The following SRPK2 variants were observed in gnomAD, a reference collection of about 807,000 sequenced individuals.
SRPK2 encodes the protein SFRS protein kinase 2.
A neutral mutation model predicts 90.8 loss-of-function variants in SRPK2; 21 were observed. The observed-to-expected ratio is 0.23, with a 90% CI of 0.16 to 0.33. The LOEUF is 0.33. Ranked by LOEUF, SRPK2 falls within the 10% of genes least tolerant of loss-of-function variation. SRPK2 has a pLI of 1.00. For missense variants in SRPK2, 620 were observed against 869.0 expected, an observed-to-expected ratio of 0.71 and a Z score of 3.60; for synonymous variants, 288 against 311.1, an observed-to-expected ratio of 0.93 and a Z score of 0.78.
rs187219508 is a variant in SRPK2, at chr7:105,260,542, C to G, written c.72-56757G>C. Among the ~76,000 whole-genome samples the G allele has an allele frequency of 1.1e-4, 16 of 152,260 alleles. No individual in the cohort carries two copies. In the East Asian group the frequency reaches 3.1e-3, roughly 29 times the overall value. ...GCAATCCCATTACTGGGTACATACCCAAAGGACTATAAATCATGCTGCTAT... is the reference window on the plus strand; with the variant it reads ...GCAATCCCATTACTGGGTACATACCGAAAGGACTATAAATCATGCTGCTAT... On this transcript the variant is annotated intron_variant, in intron 2 of 15. Coordinates refer to ENST00000393651, the MANE Select transcript of SRPK2 (RefSeq NM_182692.3).
At chr7:105,342,195 A>AT in intron 2 of SRPK2, among the ~76,000 whole-genome samples, 1 of 150,186 alleles carries the variant, frequency 6.7e-6, no homozygotes, top group African/African-American at 2.4e-5. Context: ...ATGGTGGCAC[A>AT]TGCCTGTAAT....
chr7:105,350,353 A>T (rs1011284358), intron 2 of SRPK2, among the ~76,000 whole-genome samples: 1 of 150,168 alleles, frequency 6.7e-6, no homozygotes, highest in Non-Finnish European at 1.5e-5. Context: ...GATGTTCTCG[A>T]TCTCCTGAAC....
intron 2 of SRPK2, among the ~76,000 whole-genome samples, chr7:105,262,684 C>T (rs1455794344): frequency 6.6e-6 from 1 of 152,180 alleles, no homozygotes; most frequent in Non-Finnish European, 1.5e-5. Context: ...ACTTACTGGT[C>T]TATGCTTCTA....
At chr7:105,348,649 C>T (rs1252870082) in intron 2 of SRPK2, among the ~76,000 whole-genome samples, 3 of 151,246 alleles carry the variant, frequency 2.0e-5, no homozygotes, top group African/African-American at 7.3e-5. Context: ...TGTTCAACTA[C>T]TGACCTCAGG....
chr7:105,386,613 A>G (rs1229774917), intron 2 of SRPK2, among the ~76,000 whole-genome samples: 1 of 152,112 alleles, frequency 6.6e-6, no homozygotes. Context: ...GCTACTCAGG[A>G]GGCTGAGGCA....
intron 1 of SRPK2, among the ~76,000 whole-genome samples, chr7:105,396,786 G>GA (rs1586043654): frequency 7.6e-6 from 1 of 130,802 alleles, no homozygotes; most frequent in East Asian, 2.4e-4. Flanking sequence ...GAGAGAGAAA[G>GA]AAAGAAAGAG....
intron 2 of SRPK2, among the ~76,000 whole-genome samples, chr7:105,227,624 G>C (rs943748058): frequency 5.3e-5 from 8 of 152,136 alleles, no homozygotes; most frequent in Admixed American, 2.6e-4. Context: ...TTACACTGCA[G>C]GTAGGAATGT....
chr7:105,128,667 A>G (rs1026433205), intron 13 of SRPK2, among the ~76,000 whole-genome samples: 2 of 152,234 alleles, frequency 1.3e-5, no homozygotes, highest in Non-Finnish European at 1.5e-5. Context: ...CTTGAGCCCT[A>G]TGCTAACTAA....
At chr7:105,268,801 T>A (rs56057081) in intron 2 of SRPK2, 35 of 1,597,850 alleles carry the variant, frequency 2.2e-5, no homozygotes, top group Non-Finnish European at 2.7e-5. Flanking sequence ...GAGATGTAGC[T>A]GTACCTTTCT....
intron 2 of SRPK2, among the ~76,000 whole-genome samples, chr7:105,375,983 CTTTTTTTTTTTTTTTTTTTT>C (rs34445430): frequency 3.2e-5 from 2 of 63,144 alleles, no homozygotes; most frequent in Admixed American, 4.8e-4. Flanking sequence ...GAATTCATTT[CTTTTTTTTTTTTTTTTTTTT>C]TTTTTTTTGA....
At position 105,299,451 on chromosome 7, in the gene SRPK2, T is replaced by C. The variant is rs576743177; in HGVS notation, c.71+89197A>G. Among the ~76,000 whole-genome samples the C allele has an allele frequency of 2.6e-5, 4 of 152,314 alleles. No homozygotes were observed. In the East Asian group the frequency reaches 7.7e-4, roughly 29 times the overall value. On this transcript the variant is annotated intron_variant, in intron 2 of 15. Coordinates refer to ENST00000393651, the MANE Select transcript of SRPK2 (RefSeq NM_182692.3). ...AAAAAGACACTAAAGCTAACACATA[T>C]ATTGCTAGCTAAGGAAAATTAGCAA...
chr7:105,319,859 C>CT (rs112566629), intron 2 of SRPK2, among the ~76,000 whole-genome samples: 2,611 of 146,766 alleles, frequency 0.018, 76 homozygotes, highest in African/African-American at 0.047. Context: ...CACTTCCCCC[C>CT]CTTTTTTTTT....
At chr7:105,325,716 C>G (rs1813501639) in intron 2 of SRPK2, among the ~76,000 whole-genome samples, 1 of 152,138 alleles carries the variant, frequency 6.6e-6, no homozygotes, top group African/African-American at 2.4e-5. Context: ...GGCACAGTAG[C>G]AGTAGTGCCT....
At chr7:105,278,539 A>C (rs965634657) in intron 2 of SRPK2, among the ~76,000 whole-genome samples, 4 of 142,980 alleles carry the variant, frequency 2.8e-5, no homozygotes, top group Non-Finnish European at 4.6e-5. Flanking sequence ...AAAAAAAAAT[A>C]GCCGGGAGTG....
intron 2 of SRPK2, among the ~76,000 whole-genome samples, chr7:105,380,972 A>G (rs927593979): frequency 2.4e-5 from 3 of 124,392 alleles, no homozygotes; most frequent in Non-Finnish European, 3.4e-5. Context: ...AAAAAAAAAA[A>G]GCTGGGCCAG....
chr7:105,122,172 T>C (rs1042449413), intron 15 of SRPK2, among the ~76,000 whole-genome samples: 10 of 152,324 alleles, frequency 6.6e-5, no homozygotes, highest in Admixed American at 2.0e-4. Context: ...AAATAGGTCA[T>C]ATGCCTCAGA....
chr7:105,375,915 G>A (rs1018278726), intron 2 of SRPK2, among the ~76,000 whole-genome samples: 1 of 150,912 alleles, frequency 6.6e-6, no homozygotes, highest in Non-Finnish European at 1.5e-5. Flanking sequence ...CTACTCAGAA[G>A]GCTAAAGCAG....
At chr7:105,135,289 C>G (rs1802627175) in intron 11 of SRPK2, among the ~76,000 whole-genome samples, 1 of 152,172 alleles carries the variant, frequency 6.6e-6, no homozygotes, top group South Asian at 2.1e-4. Flanking sequence ...GGGACCACCC[C>G]TTCCCCACCG....
intron 2 of SRPK2, among the ~76,000 whole-genome samples, chr7:105,381,690 G>A (rs1406311930): frequency 6.6e-6 from 1 of 152,080 alleles, no homozygotes; most frequent in African/African-American, 2.4e-5. Flanking sequence ...TGTAGAGGTA[G>A]TAAGCAAAAA....
Sources: gnomAD v4.1 joint callset for allele counts (sites outside exome capture counted in the v4.1 genomes callset) on GRCh38, gnomAD v4.1.1 for gene constraint, MANE v1.5 for transcripts, NCBI Gene and HGNC (gene_info 2026-07-23, HGNC 2026-07-21) for gene names.